PTPN5: variants seen among roughly 807,000 people sequenced by gnomAD.
The protein encoded by PTPN5 is tyrosine-protein phosphatase non-receptor type 5.
PTPN5 carries 29 observed loss-of-function variants against 73.9 expected under a neutral mutation model. The observed-to-expected ratio is 0.39, with a 90% CI of 0.29 to 0.54. The LOEUF is 0.54. Ranked by LOEUF, PTPN5 falls within the 20% of genes least tolerant of loss-of-function variation. The pLI is 0.65. For synonymous variants in PTPN5, 267 were observed against 304.7 expected (o/e 0.88, Z 1.29); for missense variants, 652 against 751.4 (o/e 0.87, Z 1.55).
chr11:18,783,265 T>C (rs897361793), intron 1 of PTPN5, among the ~76,000 whole-genome samples: 2 of 152,214 alleles, frequency 1.3e-5, no homozygotes, highest in South Asian at 2.1e-4. Context: ...GAAGTGATCA[T>C]CTTCCTCTGA....
chr11:18,753,362 A>G (rs894127046), intron 3 of PTPN5, among the ~76,000 whole-genome samples: 1 of 152,228 alleles, frequency 6.6e-6, no homozygotes, highest in African/African-American at 2.4e-5. Context: ...CGTAAATTCA[A>G]AGAGTGGGAC....
chr11:18,786,693 G>A (rs1851688811), intron 1 of PTPN5, among the ~76,000 whole-genome samples: 1 of 152,152 alleles, frequency 6.6e-6, no homozygotes, highest in African/African-American at 2.4e-5. Context: ...TGGACTGGGG[G>A]TCCAGAGATC....
intron 1 of PTPN5, among the ~76,000 whole-genome samples, chr11:18,782,111 A>G (rs1851460486): frequency 6.6e-6 from 1 of 152,110 alleles, no homozygotes; most frequent in Admixed American, 6.5e-5. Context: ...CTCACAGGCC[A>G]TTTTTTCTCA....
intron 3 of PTPN5, chr11:18,749,384 G>C (rs1849779619): frequency 1.9e-6 from 1 of 518,466 alleles, no homozygotes. Context: ...TTCAAACCCA[G>C]GGCTTTCCAG....
In PTPN5 at chr11:18,785,514, T is replaced by C. The variant is rs1851628736; in HGVS notation, c.-114+6011A>G. Among the ~76,000 whole-genome samples, 4 of 152,220 alleles carry C rather than the reference T, an allele frequency of 2.6e-5. No individual in the cohort carries two copies. In the South Asian group the frequency reaches 8.3e-4, roughly 32 times the overall value. Reference sequence around the variant, plus strand: ...AAATGATGGTTCATCTTACGTTTGTTCTCTAGCATGGAGTATGGTTATTTT... The same window carrying C: ...AAATGATGGTTCATCTTACGTTTGTCCTCTAGCATGGAGTATGGTTATTTT... On this transcript the variant is annotated intron_variant, in intron 1 of 14. Coordinates refer to ENST00000358540, the MANE Select transcript of PTPN5 (RefSeq NM_006906.2).
intron 3 of PTPN5, among the ~76,000 whole-genome samples, chr11:18,756,562 G>A (rs904910163): frequency 6.6e-6 from 1 of 151,870 alleles, no homozygotes; most frequent in African/African-American, 2.4e-5. Flanking sequence ...CTCCCAAAAT[G>A]CTGGGATTAT....
At chr11:18,737,420 C>T (rs541055593) in intron 9 of PTPN5, among the ~76,000 whole-genome samples, 2 of 152,276 alleles carry the variant, frequency 1.3e-5, no homozygotes, top group South Asian at 4.1e-4. Context: ...GACCACACTC[C>T]ACACAGTGTA....
At chr11:18,786,602 T>A (rs549162302) in intron 1 of PTPN5, among the ~76,000 whole-genome samples, 2 of 152,300 alleles carry the variant, frequency 1.3e-5, no homozygotes, top group African/African-American at 4.8e-5. Context: ...AGTTTTTGTT[T>A]TTCTTTTTTC....
chr11:18,730,191 C>T (rs752984806), intron 12 of PTPN5: 4 of 430,752 alleles, frequency 9.3e-6, no homozygotes, highest in Non-Finnish European at 1.6e-5. Flanking sequence ...GACTCTTCTT[C>T]GCCTCTTGCT....
chr11:18,771,380 C>T (rs112808906), intron 2 of PTPN5, among the ~76,000 whole-genome samples: 95 of 152,316 alleles, frequency 6.2e-4, no homozygotes, highest in African/African-American at 2.1e-3. Context: ...GCGACTCAGG[C>T]GGTGCGTCTT....
intron 9 of PTPN5, among the ~76,000 whole-genome samples, chr11:18,736,350 C>T (rs561506891): frequency 3.3e-5 from 5 of 152,314 alleles, no homozygotes; most frequent in South Asian, 2.1e-4. Context: ...GCTTGGGACA[C>T]GGCGGAGAAG....
chr11:18,765,498 G>C (rs542917648), intron 3 of PTPN5, among the ~76,000 whole-genome samples: 1 of 152,166 alleles, frequency 6.6e-6, no homozygotes, highest in African/African-American at 2.4e-5. Flanking sequence ...AGCCCTGAAT[G>C]GTCAGTGGTC....
intron 1 of PTPN5, among the ~76,000 whole-genome samples, chr11:18,777,959 A>AAAGGAAGG (rs889901724): frequency 2.8e-5 from 4 of 141,202 alleles, no homozygotes; most frequent in African/African-American, 1.1e-4. Context: ...AGAAAGGAAG[A>AAAGGAAGG]AAGGAAGGAA....
chr11:18,733,393 G>A lies in PTPN5; in HGVS notation c.1081-21C>T. 2 of 1,611,668 alleles carry A rather than the reference G, an allele frequency of 1.2e-6. No homozygotes were observed. Among genetic ancestry groups the A allele is most frequent in the Non-Finnish European group, 1.7e-6 (2 of 1,178,038 alleles). On this transcript the variant is annotated intron_variant, in intron 10 of 14. Coordinates refer to ENST00000358540, the MANE Select transcript of PTPN5 (RefSeq NM_006906.2). The surrounding 1 kb of genome is among the most constrained non-coding windows in gnomAD (Gnocchi z 4.3). ...TAGCCCTGCGGCCAGCCAAGTCCAG[G>A]CTGTCAGGGTCAGAGGCAGTGCTCC...
At chr11:18,741,541 C>T (rs990787817) in intron 7 of PTPN5, among the ~76,000 whole-genome samples, 10 of 152,202 alleles carry the variant, frequency 6.6e-5, no homozygotes, top group African/African-American at 2.4e-4. Flanking sequence ...TGTGACATCA[C>T]ATGGGTAACT....
Position 18,742,899 on chromosome 11 carries a change from G to T in PTPN5, c.483+93C>A. 1 of 882,038 alleles carries T rather than the reference G, an allele frequency of 1.1e-6. No individual in the cohort carries two copies. Among genetic ancestry groups the T allele is most frequent in the Non-Finnish European group, 1.8e-6 (1 of 547,230 alleles). 54.6% of individuals were successfully genotyped at this position (882,038 alleles called of 1,614,324 possible). ...TATCCCTCCTTGCCCCACCCAGAATGTCCAGCCTATAAGTCAGATGGGAGC... is the reference window on the plus strand; with the variant it reads ...TATCCCTCCTTGCCCCACCCAGAATTTCCAGCCTATAAGTCAGATGGGAGC... On this transcript the variant is annotated intron_variant, in intron 6 of 14. Coordinates refer to ENST00000358540, the MANE Select transcript of PTPN5 (RefSeq NM_006906.2). The surrounding 1 kb of genome is among the most constrained non-coding windows in gnomAD (Gnocchi z 4.1).
chr11:18,778,494 G>A (rs1248292874), intron 1 of PTPN5, among the ~76,000 whole-genome samples: 1 of 152,204 alleles, frequency 6.6e-6, no homozygotes, highest in Non-Finnish European at 1.5e-5. Context: ...CCCAGTGTTG[G>A]AGGTGGGGCC....
intron 3 of PTPN5, among the ~76,000 whole-genome samples, chr11:18,756,713 G>C (rs572954964): frequency 2.0e-5 from 3 of 151,926 alleles, no homozygotes; most frequent in Admixed American, 2.0e-4. Context: ...ATGAGGTCAG[G>C]AGATCGAGAC....
intron 3 of PTPN5, among the ~76,000 whole-genome samples, chr11:18,759,264 A>G (rs544204032): frequency 1.3e-5 from 2 of 152,366 alleles, no homozygotes; most frequent in Admixed American, 1.3e-4. Context: ...ACTCTGTAAT[A>G]AGCACTTTAC....
Sources: gnomAD v4.1 joint callset for allele counts (sites outside exome capture counted in the v4.1 genomes callset) on GRCh38, gnomAD v4.1.1 for gene constraint, Gnocchi (gnomAD v3.1) non-coding constraint, MANE v1.5 for transcripts, NCBI Gene and HGNC (gene_info 2026-07-23, HGNC 2026-07-21) for gene names.